CHD7: variants seen among roughly 807,000 people sequenced by gnomAD.
CHD7 encodes ATP-dependent chromatin remodeler CHD7.
CHD7 carries 24 observed loss-of-function variants against 307.3 expected under a neutral mutation model. The ratio of observed to expected loss-of-function variants is 0.08; its 90% CI spans 0.06 to 0.11. The LOEUF (loss-of-function observed/expected upper bound fraction) is 0.11. CHD7 is among the 10% of genes least tolerant of loss of function. The pLI is 1.00. For missense variants in CHD7, 3,106 were observed against 3,727.1 expected (o/e 0.83, Z 4.34); for synonymous variants, 1,363 against 1,349.9 (o/e 1.01, Z -0.21).
At chr8:60,697,099 T>A (rs957912061) in intron 1 of CHD7, among the ~76,000 whole-genome samples, 1 of 152,212 alleles carries the variant, frequency 6.6e-6, no homozygotes, top group Non-Finnish European at 1.5e-5. Context: ...CTCACCTAAT[T>A]GTTAAAATAT....
At position 60,742,860 on chromosome 8, in the gene CHD7, G is replaced by T. The variant is rs766339850; in HGVS notation, c.1428G>T (p.Arg476Ser). The T allele has an allele frequency of 2.5e-6, 4 of 1,612,642 alleles. No individual in the cohort carries two copies. Among genetic ancestry groups the T allele is most frequent in the Non-Finnish European group, 3.4e-6 (4 of 1,179,196 alleles). ...SAPRELTGHM[R>S]PNGCPGVGLG... Reference sequence around the variant, plus strand: ...CAAGGGAATTGACTGGGCACATGAGGCCAAATGGTTGTCCTGGTGTTGGCC... The same window carrying T: ...CAAGGGAATTGACTGGGCACATGAGTCCAAATGGTTGTCCTGGTGTTGGCC... The change falls in exon 2 of 38, where the codon AGG becomes AGT. Residue 476 changes from arginine (R) to serine (S), a missense_variant. Transcript: ENST00000423902.
In CHD7 at chr8:60,841,646, C is replaced by T; in HGVS notation, c.4536C>T (p.Ala1512=). 6.2e-7 allele frequency: 1 copy of T among 1,605,932 alleles called. No individual in the cohort carries two copies. Among genetic ancestry groups the T allele is most frequent in the Non-Finnish European group, 8.5e-7 (1 of 1,172,924 alleles). Residue 1512 remains alanine (A), a splice_region_variant and synonymous_variant, in exon 20 of 38, where the codon GCC becomes GCT. Transcript: ENST00000423902. Reference sequence around the variant, plus strand: ...ATGCGTTTCTTTTTTCTCTTTAGGCCAGTTTTGTTGCATCTGGAAATAGGA... The same window carrying T: ...ATGCGTTTCTTTTTTCTCTTTAGGCTAGTTTTGTTGCATCTGGAAATAGGA... ...SEGKGSTFAK[A]SFVASGNRTD... is the part of the protein sequence containing the mutation.
intron 1 of CHD7, among the ~76,000 whole-genome samples, chr8:60,687,634 T>TA (rs1805974619): frequency 6.6e-6 from 1 of 152,214 alleles, no homozygotes. Flanking sequence ...AAAACAATAT[T>TA]AAAAATAACA....
Position 60,856,549 on chromosome 8 carries a change from G to A in CHD7, c.7269G>A (p.Met2423Ile), listed in dbSNP as rs2129648356. ...CCAAGAGGCGAAATCTCATGGAGAT[G>A]GTTGCCCAGCTTCGAGAGTCTCAGG... ...RAAKRRNLME[M>I]VAQLRESQVV... Residue 2423 changes from methionine to isoleucine, a missense_variant, in exon 34 of 38, where the codon ATG becomes ATA. Physicochemically the swap from Met to Ile is conservative, Grantham distance 10 (BLOSUM62 1). Coordinates refer to ENST00000423902, the MANE Select transcript of CHD7 (RefSeq NM_017780.4). 6.2e-7 allele frequency: 1 copy of A among 1,614,002 alleles called. No homozygotes were observed. The highest frequency in any genetic ancestry group is 8.5e-7 in the Non-Finnish European group (1 of 1,179,892).
chr8:60,845,562 G>C (rs1805170122), intron 23 of CHD7, among the ~76,000 whole-genome samples, 153 bp downstream of exon 23: 1 of 152,210 alleles, frequency 6.6e-6, no homozygotes, highest in South Asian at 2.1e-4. Flanking sequence ...TGGTGTCTGA[G>C]GGGGGTCCTG....
At chr8:60,837,461 C>A (rs1348396261) in intron 17 of CHD7, among the ~76,000 whole-genome samples, 1 of 152,124 alleles carries the variant, frequency 6.6e-6, no homozygotes, top group African/African-American at 2.4e-5. Flanking sequence ...GTGTCCTCAC[C>A]CAGCTTAAAG....
chr8:60,708,268 A>G (rs1049625802), intron 1 of CHD7, among the ~76,000 whole-genome samples: 34 of 152,190 alleles, frequency 2.2e-4, no homozygotes, highest in Non-Finnish European at 4.9e-4. Flanking sequence ...CTCCCCAACC[A>G]TTCTGCAAGT....
intron 1 of CHD7, among the ~76,000 whole-genome samples, chr8:60,713,504 T>C (rs1191302911): frequency 2.6e-5 from 4 of 152,184 alleles, no homozygotes; most frequent in Admixed American, 2.0e-4. Flanking sequence ...TGATAGGCAA[T>C]TGTTGGACAG....
At position 60,856,759 on chromosome 8, in the gene CHD7, C is replaced by A. The variant is rs748532765; in HGVS notation, c.7479C>A (p.Pro2493=). 1.9e-6 allele frequency: 3 copies of A among 1,614,024 alleles called. No homozygotes were observed. The South Asian group carries it at 3.3e-5, about 18-fold the overall frequency. ...ELLQAGLSRT[P]TRHLLNGSLV... ...TCCAAGCAGGCCTTTCGCGCACACC[C>A]ACAAGGCATCTCCTTAATGGCTCCC... is the stretch of plus-strand genomic sequence containing the variant. Residue 2493 remains proline, a synonymous_variant, in exon 34 of 38, where the codon CCC becomes CCA. Coordinates refer to ENST00000423902, the MANE Select transcript of CHD7 (RefSeq NM_017780.4).
At chr8:60,723,060 T>C (rs1229556012) in intron 1 of CHD7, among the ~76,000 whole-genome samples, 1 of 152,242 alleles carries the variant, frequency 6.6e-6, no homozygotes, top group African/African-American at 2.4e-5. Context: ...TTGGAAAATA[T>C]TGGTTTAATG....
At chr8:60,777,682 G>T (rs1811019215) in intron 2 of CHD7, among the ~76,000 whole-genome samples, 1 of 152,096 alleles carries the variant, frequency 6.6e-6, no homozygotes, top group Admixed American at 6.5e-5. Context: ...TTTATATGTT[G>T]TGAACAATGG....
At chr8:60,830,274 C>T (rs747460499) in intron 14 of CHD7, 48 bp from the exon 15 acceptor site, 1 of 1,560,152 alleles carries the variant, frequency 6.4e-7, no homozygotes, top group East Asian at 2.2e-5. Context: ...TATGTTTTAA[C>T]TTGCAAGCAA....
At chr8:60,768,093 TTTTA>T (rs1337148192) in intron 2 of CHD7, among the ~76,000 whole-genome samples, 2 of 152,234 alleles carry the variant, frequency 1.3e-5, no homozygotes, top group Non-Finnish European at 2.9e-5. Flanking sequence ...TTCAAATCAA[TTTTA>T]TTTTTCTGTG....
chr8:60,754,649 ATTTC>A (rs1162349218), intron 2 of CHD7, among the ~76,000 whole-genome samples: 3 of 152,166 alleles, frequency 2.0e-5, no homozygotes, highest in African/African-American at 7.2e-5. Context: ...ACACTACTGT[ATTTC>A]TTTTCAGTTG....
intron 27 of CHD7, 42 bp downstream of exon 27, chr8:60,851,146 T>G (rs1341490852): frequency 1.3e-6 from 2 of 1,495,862 alleles, no homozygotes; most frequent in Admixed American, 3.9e-5. Context: ...TCCATTAAAA[T>G]ATTATATGCC....
At chr8:60,681,148 A>C (rs1008276433) in intron 1 of CHD7, among the ~76,000 whole-genome samples, 1 of 152,184 alleles carries the variant, frequency 6.6e-6, no homozygotes, top group Non-Finnish European at 1.5e-5. Context: ...GATGACAAAA[A>C]ATATCTTAGT....
chr8:60,700,835 G>A (rs961688984), intron 1 of CHD7, among the ~76,000 whole-genome samples: 1 of 152,198 alleles, frequency 6.6e-6, no homozygotes, highest in Admixed American at 6.5e-5. Context: ...CACACACACT[G>A]TAAGTGCAAT....
intron 1 of CHD7, among the ~76,000 whole-genome samples, chr8:60,701,326 A>C (rs1381691193): frequency 2.0e-5 from 3 of 152,196 alleles, no homozygotes; most frequent in Non-Finnish European, 4.4e-5. Context: ...TCATTTGTGG[A>C]AAGTCTTATA....
At chr8:60,851,382 G>A (rs781693267) in intron 28 of CHD7, 63 bp downstream of exon 28, 55 of 1,220,754 alleles carry the variant, frequency 4.5e-5, no homozygotes, top group Non-Finnish European at 6.5e-5. Context: ...TTGTTCACGT[G>A]GTAGGGACTG....
Sources: gnomAD v4.1 joint callset for allele counts (sites outside exome capture counted in the v4.1 genomes callset) on GRCh38, gnomAD v4.1.1 for gene constraint, MANE v1.5 for transcripts, NCBI Gene and HGNC (gene_info 2026-07-23, HGNC 2026-07-21) for gene names.